Variants in SERPINA12 observed in about 807,000 individuals in gnomAD.
SERPINA12 encodes the protein serpin family A member 12.
A neutral mutation model predicts 25.9 loss-of-function variants in SERPINA12; 21 were observed. The observed-to-expected ratio is 0.81, with a 90% CI of 0.58 to 1.17. SERPINA12 has a LOEUF of 1.17. Ranked by LOEUF, SERPINA12 falls within the 50% of genes most tolerant of loss-of-function variation. The pLI, the probability that SERPINA12 is intolerant of heterozygous loss-of-function variation, is 0.00. For synonymous variants in SERPINA12, 220 were observed against 196.0 expected (o/e 1.12, Z -1.02); for missense variants, 562 against 508.3 (o/e 1.11, Z -1.02).
chr14:94,497,278 G>C (rs907272932), intron 2 of SERPINA12, among the ~76,000 whole-genome samples: 2 of 152,158 alleles, frequency 1.3e-5, no homozygotes, highest in Non-Finnish European at 1.5e-5. Context: ...ACATACATAA[G>C]GAGACCCACC....
At chr14:94,516,335 C>A (rs1216075160) in intron 1 of SERPINA12, among the ~76,000 whole-genome samples, 4 of 152,162 alleles carry the variant, frequency 2.6e-5, no homozygotes, top group African/African-American at 9.7e-5. Context: ...AGAATGAGGC[C>A]TGGTCAAAGC....
Position 94,497,803 on chromosome 14 carries a change from C to G in SERPINA12, c.595G>C (p.Gly199Arg), listed in dbSNP as rs780543581. 6.2e-7 allele frequency: 1 copy of G among 1,610,158 alleles called. No individual in the cohort carries two copies. The highest frequency in any genetic ancestry group is 1.7e-5 in the Admixed American group (1 of 59,314). ...TAATTTGCAAGAAGCATCACAGTGC[C>G]GGGGTCTATATTCTCGATCAGGTTG... is the stretch of plus-strand genomic sequence containing the variant. ...INNLIENIDP[G>R]TVMLLANYIF... The change falls in exon 2 of 5, where the codon GGC becomes CGC. Residue 199 changes from glycine to arginine, a missense_variant. By Grantham distance (125) the Gly-to-Arg change is moderately radical (BLOSUM62 -2). Coordinates refer to ENST00000677451, the MANE Select transcript of SERPINA12 (RefSeq NM_001382267.1).
At chr14:94,509,229 G>T (rs1238272249) in intron 1 of SERPINA12, among the ~76,000 whole-genome samples, 113 bp downstream of exon 1, 5 of 151,626 alleles carry the variant, frequency 3.3e-5, no homozygotes, top group African/African-American at 1.2e-4. Context: ...CTGTCTATTT[G>T]AGTGATCACC....
intron 3 of SERPINA12, among the ~76,000 whole-genome samples, chr14:94,495,874 T>C (rs1054943203): frequency 7.9e-5 from 12 of 152,260 alleles, no homozygotes; most frequent in African/African-American, 2.7e-4. Flanking sequence ...ATTAATCTAA[T>C]ATCAGTTTAT....
At chr14:94,512,672 CAT>C (rs1472783103), upstream of SERPINA12, among the ~76,000 whole-genome samples, 2 of 152,072 alleles carry the variant, frequency 1.3e-5, no homozygotes, top group East Asian at 1.9e-4. Context: ...TCAAATGAAA[CAT>C]GTGTTATCAA....
intron 1 of SERPINA12, among the ~76,000 whole-genome samples, chr14:94,504,488 C>T (rs1007297711): frequency 4.6e-5 from 7 of 152,240 alleles, no homozygotes; most frequent in African/African-American, 1.2e-4. Context: ...CAAGTATCAT[C>T]ATTGCTGCCC....
upstream of SERPINA12, chr14:94,511,431 T>C (rs1901107019): frequency 2.0e-6 from 2 of 985,274 alleles, no homozygotes; most frequent in Non-Finnish European, 2.4e-6. Flanking sequence ...AAAAAAAATA[T>C]GTGGATACAA....
At chr14:94,490,813 C>T (rs570883686) in intron 3 of SERPINA12, among the ~76,000 whole-genome samples, 3 of 152,280 alleles carry the variant, frequency 2.0e-5, no homozygotes, top group South Asian at 4.1e-4. Flanking sequence ...CTCAGTGAGC[C>T]GCACGTGATG....
At chr14:94,494,113 A>G (rs1490578161) in intron 3 of SERPINA12, among the ~76,000 whole-genome samples, 1 of 152,184 alleles carries the variant, frequency 6.6e-6, no homozygotes, top group African/African-American at 2.4e-5. Flanking sequence ...GGGAAATGTC[A>G]TATTCTGGAG....
intron 4 of SERPINA12, 45 bp downstream of exon 4, chr14:94,489,575 G>A: frequency 1.4e-5 from 22 of 1,595,056 alleles, no homozygotes; most frequent in Non-Finnish European, 1.8e-5. Flanking sequence ...GCTGGGGGAA[G>A]GCCCCTGTGC....
Position 94,487,344 on chromosome 14 carries a change from C to G in SERPINA12, c.1204G>C (p.Val402Leu). 1 of 1,614,032 alleles carries G rather than the reference C, an allele frequency of 6.2e-7. No individual in the cohort carries two copies. The highest frequency in any genetic ancestry group is 1.1e-5 in the South Asian group (1 of 91,062). ...LLIYSEKIPSVLFLGKIVNPI... is the reference protein window; with the variant it reads ...LLIYSEKIPSLLFLGKIVNPI... ...TTAACAATCTTTCCCAGGAAGAGCA[C>G]GGAAGGTATTTTCTCGCTGTAAATC... is the stretch of plus-strand genomic sequence containing the variant. Residue 402 changes from valine to leucine, a missense_variant, in exon 5 of 5, where the codon GTG becomes CTG. Physicochemically the swap from Val to Leu is conservative, Grantham distance 32. Coordinates refer to ENST00000677451, the MANE Select transcript of SERPINA12 (RefSeq NM_001382267.1).
exon 1 of SERPINA12, chr14:94,517,625 G>A (rs1289839400): frequency 1.3e-5 from 2 of 152,184 alleles, no homozygotes; most frequent in Admixed American, 1.3e-4. Context: ...GGAAGCTTTT[G>A]CTCTTTTTTT....
At chr14:94,500,903 C>G in intron 1 of SERPINA12, 1 of 985,172 alleles carries the variant, frequency 1.0e-6, no homozygotes, top group South Asian at 4.7e-5. Flanking sequence ...GCCAGGACTA[C>G]TAAGTAGGCA....
chr14:94,509,279 AACACACACACACACACACACAC>A (rs3065835), intron 1 of SERPINA12, among the ~76,000 whole-genome samples, 41 bp downstream of exon 1: 1 of 134,620 alleles, frequency 7.4e-6, no homozygotes, highest in African/African-American at 2.8e-5. Context: ...AGAAACAGAC[AACACACACACACACACACACAC>A]ACACACACAC....
Position 94,495,278 on chromosome 14 carries a change from C to T in SERPINA12, c.905+1095G>A, listed in dbSNP as rs555087441. 1.8e-3 allele frequency among the ~76,000 whole-genome samples: 280 copies of T among 151,720 alleles called. 2 individuals carry two copies. Among genetic ancestry groups the T allele is most frequent in the African/African-American group, 6.1e-3 (252 of 41,348 alleles). On this transcript the variant is annotated intron_variant, in intron 3 of 4. Coordinates refer to ENST00000677451, the MANE Select transcript of SERPINA12 (RefSeq NM_001382267.1). The stretch of plus-strand genomic sequence containing the variant: ...AGAGACAGGGTTTCACCGTTTTAGC[C>T]GGGATGGTCTCGATCTCCTGACCTC...
exon 2 of SERPINA12, chr14:94,516,007 G>A (rs982341197): frequency 2.0e-5 from 3 of 152,454 alleles, no homozygotes; most frequent in African/African-American, 7.2e-5. Flanking sequence ...GGGGTTCAGG[G>A]AGGCCTCGGA....
intron 1 of SERPINA12, among the ~76,000 whole-genome samples, chr14:94,502,611 C>A: frequency 6.6e-6 from 1 of 152,224 alleles, no homozygotes; most frequent in Non-Finnish European, 1.5e-5. Flanking sequence ...AGAGAGAACT[C>A]CCCCTGCCCC....
intron 1 of SERPINA12, among the ~76,000 whole-genome samples, chr14:94,505,037 C>G (rs1900883872): frequency 6.6e-6 from 1 of 152,216 alleles, no homozygotes; most frequent in Non-Finnish European, 1.5e-5. Context: ...ATCTTCAATT[C>G]TGCTTAATCT....
chr14:94,503,358 C>T lies in SERPINA12; in HGVS notation c.-33-4928G>A, dbSNP rs928710566. 2.0e-5 allele frequency: 20 copies of T among 981,226 alleles called. No homozygotes were observed. In the East Asian group the frequency reaches 1.6e-3, roughly 78 times the overall value. The allele number at this position is 981,226 out of a possible 1,614,324, so 60.8% of individuals were successfully genotyped here. A position where few individuals can be genotyped will look rare whatever the true frequency, so the allele number is the denominator to read the frequency against. ...AATTTGCCCTGTAGATTTCTGCCTT[C>T]ATTCCTTAAGAAATATGTTTGAGTC... On this transcript the variant is annotated intron_variant, in intron 1 of 4. Coordinates refer to ENST00000677451, the MANE Select transcript of SERPINA12 (RefSeq NM_001382267.1).
Sources: gnomAD v4.1 joint callset for allele counts (sites outside exome capture counted in the v4.1 genomes callset) on GRCh38, gnomAD v4.1.1 for gene constraint, MANE v1.5 for transcripts, NCBI Gene and HGNC (gene_info 2026-07-23, HGNC 2026-07-21) for gene names.